AVEN: variants seen among roughly 807,000 people sequenced by gnomAD.
AVEN encodes the protein cell death regulator Aven.
In AVEN, 41 loss-of-function variants were observed where a neutral mutation model predicts 38.1. The ratio of observed to expected loss-of-function variants is 1.08; its 90% CI spans 0.84 to 1.40. The LOEUF is 1.40. AVEN is among the 40% of genes most tolerant of loss of function. The pLI is 0.00. For missense variants in AVEN, 605 were observed against 438.8 expected, an observed-to-expected ratio of 1.38 and a Z score of -3.38; for synonymous variants, 206 against 171.8, an observed-to-expected ratio of 1.20 and a Z score of -1.56.
chr15:33,946,005 G>A (rs1894496755), intron 2 of AVEN, among the ~76,000 whole-genome samples: 2 of 152,160 alleles, frequency 1.3e-5, no homozygotes, highest in Admixed American at 6.5e-5. Flanking sequence ...AGCAGGAACT[G>A]TATATTTTAT....
At chr15:33,976,230 C>T (rs190751423) in intron 2 of AVEN, among the ~76,000 whole-genome samples, 4 of 152,272 alleles carry the variant, frequency 2.6e-5, no homozygotes, top group Middle Eastern at 3.4e-3. Context: ...ATTTATATTA[C>T]AATGTATTCA....
At chr15:33,854,278 G>A (rs1207569362), downstream of AVEN, 18 of 768,008 alleles carry the variant, frequency 2.3e-5, no homozygotes, top group East Asian at 4.3e-4. Flanking sequence ...AAAGCTGAGA[G>A]CCATATTTAG....
chr15:34,021,018 A>G (rs1400462258), intron 1 of AVEN, among the ~76,000 whole-genome samples: 1 of 152,164 alleles, frequency 6.6e-6, no homozygotes, highest in Non-Finnish European at 1.5e-5. Flanking sequence ...TATACACTTT[A>G]CCTGACAGAA....
At chr15:33,862,959 C>T (rs1888964954), downstream of AVEN, among the ~76,000 whole-genome samples, 1 of 152,200 alleles carries the variant, frequency 6.6e-6, no homozygotes, top group Non-Finnish European at 1.5e-5. Flanking sequence ...CTGTGCCCTT[C>T]CTCATGAGTA....
rs201917727 is a variant in AVEN, at chr15:33,867,656, G to A, written c.812C>T (p.Pro271Leu). Residue 271 changes from proline (P) to leucine (L), a missense_variant, in exon 5 of 6, where the codon CCC becomes CTC. Physicochemically the swap from Pro to Leu is moderately conservative, Grantham distance 98. Transcript: ENST00000306730. ...TCCTGCTGACTGCAGTGGGGAAGTG[G>A]GTTTCTGAGAATCCCTTGAAGGACC... ...SPGPSRDSQK[P>L]TSPLQSAGDH... is the part of the protein sequence containing the mutation. The A allele has an allele frequency of 4.2e-5, 67 of 1,614,158 alleles. No individual in the cohort carries two copies. In the African/African-American group the frequency reaches 6.8e-4, roughly 16 times the overall value.
downstream of AVEN, chr15:33,865,910 A>AGTAACAGCTGTCAGTCAACTGCTGTT (rs1439262196): frequency 6.6e-6 from 1 of 152,466 alleles, no homozygotes; most frequent in African/African-American, 2.4e-5. Context: ...AAGTTTTTTT[A>AGTAACAGCTGTCAGTCAACTGCTGTT]GTAACAGCTG....
At chr15:33,881,444 G>A (rs1389313969) in intron 2 of AVEN, among the ~76,000 whole-genome samples, 1 of 152,146 alleles carries the variant, frequency 6.6e-6, no homozygotes, top group East Asian at 1.9e-4. Context: ...CCAGACTGGA[G>A]TGCAGTGGCA....
At chr15:33,859,524 A>G (rs2080110515) in intron 11 of AVEN, 3 of 1,602,000 alleles carry the variant, frequency 1.9e-6, no homozygotes, top group Non-Finnish European at 1.7e-6. Flanking sequence ...GCATCTTGCT[A>G]AAAACAGAAC....
intron 1 of AVEN, among the ~76,000 whole-genome samples, chr15:34,029,589 T>C (rs576792626): frequency 1.3e-5 from 2 of 149,562 alleles, no homozygotes; most frequent in East Asian, 2.0e-4. Flanking sequence ...TACATATTCA[T>C]AGTACTACTG....
At chr15:34,034,265 A>G (rs1899007395) in intron 1 of AVEN, among the ~76,000 whole-genome samples, 2 of 152,100 alleles carry the variant, frequency 1.3e-5, no homozygotes, top group African/African-American at 4.8e-5. Flanking sequence ...CAAGACAGTG[A>G]GACCATGTCT....
At chr15:33,865,075 G>C, downstream of AVEN, 2 of 1,397,070 alleles carry the variant, frequency 1.4e-6, no homozygotes, top group East Asian at 4.6e-5. Context: ...AAACAAACTG[G>C]GTTTTAGCTT....
At chr15:33,929,746 T>C (rs1893768748) in intron 2 of AVEN, among the ~76,000 whole-genome samples, 1 of 152,214 alleles carries the variant, frequency 6.6e-6, no homozygotes, top group Non-Finnish European at 1.5e-5. Context: ...CAAATGTCAA[T>C]TTAATTTTAC....
chr15:33,861,307 T>C (rs1400220641), downstream of AVEN: 5 of 610,112 alleles, frequency 8.2e-6, no homozygotes, highest in African/African-American at 7.4e-5. Context: ...CATGAGCCTG[T>C]ACCTTTGTCC....
chr15:33,924,356 C>T (rs952826090), intron 2 of AVEN, among the ~76,000 whole-genome samples: 12 of 62,512 alleles, frequency 1.9e-4, no homozygotes, highest in African/African-American at 5.6e-4. Context: ...GGTGACAGAG[C>T]GAGACTGTCT....
At chr15:33,972,870 C>G (rs1234681798) in intron 2 of AVEN, among the ~76,000 whole-genome samples, 2 of 152,134 alleles carry the variant, frequency 1.3e-5, no homozygotes, top group Non-Finnish European at 2.9e-5. Flanking sequence ...AGAGCCTATA[C>G]AAAGATGATG....
chr15:34,034,329 TA>T (rs1185113482), intron 1 of AVEN, among the ~76,000 whole-genome samples: 4 of 151,804 alleles, frequency 2.6e-5, no homozygotes, highest in African/African-American at 9.7e-5. Context: ...TACTCCCACC[TA>T]CTCAGGAGGC....
intron 5 of AVEN, among the ~76,000 whole-genome samples, chr15:34,060,405 A>G (rs1016982891): frequency 2.0e-5 from 3 of 152,194 alleles, no homozygotes; most frequent in African/African-American, 7.2e-5. Context: ...AGGTGTTATG[A>G]AAACACCCAA....
intron 2 of AVEN, among the ~76,000 whole-genome samples, chr15:33,975,102 T>C (rs773734292): frequency 2.0e-5 from 3 of 152,238 alleles, no homozygotes; most frequent in African/African-American, 4.8e-5. Flanking sequence ...TCTGCCCTGG[T>C]TGGGTTGAGA....
At chr15:33,910,257 A>C (rs967905386) in intron 2 of AVEN, among the ~76,000 whole-genome samples, 3 of 152,188 alleles carry the variant, frequency 2.0e-5, no homozygotes, top group African/African-American at 7.2e-5. Context: ...GGGAGCTAAA[A>C]GAAGTGTGAA....
Sources: allele counts gnomAD v4.1 joint callset (sites outside exome capture counted in the v4.1 genomes callset), GRCh38; gene constraint gnomAD v4.1.1; transcripts MANE v1.5; gene names NCBI Gene and HGNC (gene_info 2026-07-23, HGNC 2026-07-21).